SCARB1: variants seen among roughly 807,000 people sequenced by gnomAD.
SCARB1 encodes the protein CD36 and LIMPII analogous 1.
In SCARB1, 30 loss-of-function variants were observed where a neutral mutation model predicts 57.2. The ratio of observed to expected loss-of-function variants is 0.52; its 90% CI spans 0.39 to 0.71. The LOEUF is 0.71. SCARB1 is among the 30% of genes least tolerant of loss of function. SCARB1 has a pLI of 0.00. For missense variants in SCARB1, 543 were observed against 671.2 expected, an observed-to-expected ratio of 0.81 and a Z score of 2.11; for synonymous variants, 249 against 268.3, an observed-to-expected ratio of 0.93 and a Z score of 0.70.
At chr12:124,794,568 C>T (rs1949869105) in intron 9 of SCARB1, among the ~76,000 whole-genome samples, 1 of 152,048 alleles carries the variant, frequency 6.6e-6, no homozygotes, top group South Asian at 2.1e-4. Flanking sequence ...ATTTCTGCCA[C>T]TCTGTCGTGT....
intron 1 of SCARB1, among the ~76,000 whole-genome samples, chr12:124,843,072 A>T (rs1951971065): frequency 6.6e-6 from 1 of 152,200 alleles, no homozygotes; most frequent in South Asian, 2.1e-4. Context: ...GGGCCAGGGG[A>T]GCAGTGTCGT....
At chr12:124,802,619 G>A (rs1258003645) in intron 7 of SCARB1, among the ~76,000 whole-genome samples, 2 of 152,222 alleles carry the variant, frequency 1.3e-5, no homozygotes, top group Non-Finnish European at 1.5e-5. Flanking sequence ...GGCCGAGCCT[G>A]CATGGACCCA....
rs375872689 is a variant in SCARB1, at chr12:124,800,458, G to A, written c.1010-216C>T. Among the ~76,000 whole-genome samples the A allele has an allele frequency of 1.5e-4, 23 of 152,298 alleles. No homozygotes were observed. Among genetic ancestry groups the A allele is most frequent in the African/African-American group, 5.3e-4 (22 of 41,558 alleles). On this transcript the variant is annotated intron_variant, in intron 7 of 12. Transcript: ENST00000261693. The surrounding 1 kb of genome is among the most constrained non-coding windows in gnomAD (Gnocchi z 4.8). The stretch of plus-strand genomic sequence containing the variant: ...CCAGAGAAGGGGTGAGGCAGGAGCC[G>A]CTGATTCTGACAGGAGAGACCAAAA...
intron 1 of SCARB1, among the ~76,000 whole-genome samples, chr12:124,825,127 A>C (rs1486838161): frequency 6.7e-6 from 1 of 148,398 alleles, no homozygotes; most frequent in Non-Finnish European, 1.5e-5. Context: ...CGGGTGGCTG[A>C]GGCAGGAGAA....
chr12:124,795,588 A>C (rs1269230553), intron 8 of SCARB1, among the ~76,000 whole-genome samples: 1 of 152,146 alleles, frequency 6.6e-6, no homozygotes, highest in Non-Finnish European at 1.5e-5. Context: ...ATACCTAATC[A>C]CTTTCACCTG....
rs1010765047 is a variant in SCARB1 at position 124,817,244 on chromosome 12, G to A, written c.284+306C>T. 2.0e-5 allele frequency among the ~76,000 whole-genome samples: 3 copies of A among 149,770 alleles called. No individual in the cohort carries two copies. Among genetic ancestry groups the A allele is most frequent in the Non-Finnish European group, 4.4e-5 (3 of 67,760 alleles). ...TCCATAAAGAACCTCTCTAGGCAAC[G>A]TCTGGTGATTCGCACCTGTAATCCC... On this transcript the variant is annotated intron_variant, in intron 2 of 12. Transcript: ENST00000261693. This position sits in a 1 kb window ranked among gnomAD's most constrained non-coding sequence, Gnocchi z 4.8.
chr12:124,795,150 A>G, intron 9 of SCARB1, 45 bp downstream of exon 9: 1 of 1,501,014 alleles, frequency 6.7e-7, no homozygotes. Context: ...TGAGCACCTA[A>G]TCTCTCAATG....
intron 9 of SCARB1, 52 bp downstream of exon 9, chr12:124,795,143 G>T: frequency 1.4e-6 from 2 of 1,446,378 alleles, no homozygotes; most frequent in Non-Finnish European, 1.9e-6. Context: ...GGAGCACTGA[G>T]CACCTAATCT....
At chr12:124,801,221 A>T (rs994086687) in intron 7 of SCARB1, among the ~76,000 whole-genome samples, 1 of 151,868 alleles carries the variant, frequency 6.6e-6, no homozygotes, top group African/African-American at 2.4e-5. Flanking sequence ...ATTTTTTTTT[A>T]AAAAGCTCAC....
intron 1 of SCARB1, among the ~76,000 whole-genome samples, chr12:124,859,342 A>G (rs990681394): frequency 7.9e-5 from 12 of 152,164 alleles, no homozygotes; most frequent in African/African-American, 2.9e-4. Flanking sequence ...CCCGGCTAAC[A>G]CGGTGAAACC....
intron 9 of SCARB1, among the ~76,000 whole-genome samples, chr12:124,792,744 AAAG>A (rs1353927163): frequency 6.6e-6 from 1 of 151,530 alleles, no homozygotes; most frequent in Admixed American, 6.6e-5. Flanking sequence ...AAAAAAAAAA[AAAG>A]AATGTGAATT....
intron 1 of SCARB1, among the ~76,000 whole-genome samples, chr12:124,837,511 A>AGG (rs1468943616): frequency 3.1e-5 from 3 of 97,596 alleles, no homozygotes; most frequent in African/African-American, 1.1e-4. Context: ...AAGGGAGAAA[A>AGG]AAGAAAAGAA....
intron 1 of SCARB1, among the ~76,000 whole-genome samples, chr12:124,843,450 T>G (rs1369746043): frequency 6.6e-6 from 1 of 152,124 alleles, no homozygotes; most frequent in Admixed American, 6.5e-5. Context: ...TGGCCCCATG[T>G]GCAGAGGTGG....
intron 1 of SCARB1, among the ~76,000 whole-genome samples, chr12:124,832,957 C>A (rs770925670): frequency 3.3e-5 from 5 of 152,036 alleles, no homozygotes; most frequent in Non-Finnish European, 7.4e-5. Flanking sequence ...GGATGAAAGT[C>A]ACGGTGCAGG....
rs960332962 is a variant in SCARB1 at position 124,854,503 on chromosome 12, C to T, written c.126+9092G>A. ...GCTCCCATGGCTGCTTATTGAGAAA[C>T]CCCACTGGGGAGCAAGGATGAGCAC... is the stretch of plus-strand genomic sequence containing the variant. On this transcript the variant is annotated intron_variant, in intron 1 of 12. Transcript: ENST00000261693. Among the ~76,000 whole-genome samples the T allele has an allele frequency of 9.2e-5, 14 of 152,156 alleles. No individual in the cohort carries two copies. In the East Asian group the frequency reaches 2.7e-3, roughly 29 times the overall value.
intron 1 of SCARB1, among the ~76,000 whole-genome samples, chr12:124,840,875 A>G (rs1475872717): frequency 6.6e-6 from 1 of 152,150 alleles, no homozygotes; most frequent in African/African-American, 2.4e-5. Flanking sequence ...AGAGCTCTTC[A>G]AGACTGAGTC....
intron 1 of SCARB1, among the ~76,000 whole-genome samples, chr12:124,820,423 G>A (rs1950906477): frequency 6.6e-6 from 1 of 152,064 alleles, no homozygotes; most frequent in Non-Finnish European, 1.5e-5. Context: ...CTGGATCAAA[G>A]AGCAGTCCTG....
At chr12:124,795,075 C>A in intron 9 of SCARB1, 120 bp downstream of exon 9, 1 of 861,460 alleles carries the variant, frequency 1.2e-6, no homozygotes. Flanking sequence ...CCCAATAGGA[C>A]CCTCTCCCCT....
intron 6 of SCARB1, among the ~76,000 whole-genome samples, chr12:124,808,876 C>A (rs1950417316): frequency 6.6e-6 from 1 of 151,958 alleles, no homozygotes; most frequent in Non-Finnish European, 1.5e-5. Context: ...TGAAATGATC[C>A]CATTTTTGAT....
Sources: allele counts gnomAD v4.1 joint callset (sites outside exome capture counted in the v4.1 genomes callset), GRCh38; gene constraint gnomAD v4.1.1; non-coding constraint Gnocchi (gnomAD v3.1); transcripts MANE v1.5; gene names NCBI Gene and HGNC (gene_info 2026-07-23, HGNC 2026-07-21).